The following ANK3 variants were observed in gnomAD, a reference collection of about 807,000 sequenced individuals.
ANK3 encodes ankyrin-3.
A neutral mutation model predicts 370.9 loss-of-function variants in ANK3; 57 were observed. That is an observed-to-expected ratio of 0.15 (90% CI 0.12 to 0.19). ANK3 has a LOEUF of 0.19. Ranked by LOEUF, ANK3 falls within the 10% of genes least tolerant of loss-of-function variation. ANK3 has a pLI of 1.00. For missense variants in ANK3, 4,439 were observed against 5,302.1 expected, an observed-to-expected ratio of 0.84 and a Z score of 5.06; for synonymous variants, 1,929 against 1,946.3, an observed-to-expected ratio of 0.99 and a Z score of 0.23.
chr10:60,494,461 C>G (rs2075602150), intron 2 of ANK3, among the ~76,000 whole-genome samples: 2 of 152,114 alleles, frequency 1.3e-5, no homozygotes, highest in African/African-American at 4.8e-5. Context: ...TTTAGGCATT[C>G]TTGTGCTATC....
chr10:60,514,045 T>C (rs1043615225), intron 2 of ANK3, among the ~76,000 whole-genome samples: 1 of 152,164 alleles, frequency 6.6e-6, no homozygotes, highest in African/African-American at 2.4e-5. Flanking sequence ...TTTATAATTA[T>C]CTACTTCCTC....
At chr10:60,403,018 C>G (rs1198127964) in intron 2 of ANK3, among the ~76,000 whole-genome samples, 1 of 152,024 alleles carries the variant, frequency 6.6e-6, no homozygotes, top group Non-Finnish European at 1.5e-5. Flanking sequence ...GAGGGACTAT[C>G]ACTACAAAAC....
chr10:60,722,045 G>A (rs56248760), intron 1 of ANK3, among the ~76,000 whole-genome samples: 2,707 of 152,104 alleles, frequency 0.018, 73 homozygotes, highest in African/African-American at 0.062. Flanking sequence ...ATTTCTGGCT[G>A]ATCAGTTATA....
chr10:60,190,262 T>C (rs989494612), intron 16 of ANK3, among the ~76,000 whole-genome samples: 4 of 152,164 alleles, frequency 2.6e-5, no homozygotes, highest in Non-Finnish European at 5.9e-5. Flanking sequence ...TGAGTTAACA[T>C]TGAGGTTGCT....
chr10:60,095,120 T>A (rs948516851), intron 28 of ANK3, among the ~76,000 whole-genome samples: 4 of 152,324 alleles, frequency 2.6e-5, no homozygotes, highest in African/African-American at 9.6e-5. Context: ...GGCTTTTGAG[T>A]CTAATAAAAT....
chr10:60,414,071 A>G (rs533357585), intron 2 of ANK3, among the ~76,000 whole-genome samples: 13 of 152,304 alleles, frequency 8.5e-5, no homozygotes, highest in Admixed American at 8.5e-4. Context: ...AAGAGGAAAT[A>G]TTGATATTAC....
At chr10:60,267,255 C>T (rs1239963627) in intron 5 of ANK3, among the ~76,000 whole-genome samples, 2 of 151,806 alleles carry the variant, frequency 1.3e-5, no homozygotes, top group East Asian at 1.9e-4. Flanking sequence ...AATATTATTG[C>T]TAATGAGAGA....
chr10:60,388,777 C>A (rs1298349779), intron 1 of ANK3, among the ~76,000 whole-genome samples: 1 of 152,158 alleles, frequency 6.6e-6, no homozygotes, highest in Non-Finnish European at 1.5e-5. Context: ...TAATCACTTT[C>A]ACCCAGCAGG....
At chr10:60,572,002 A>G (rs1275372526) in intron 2 of ANK3, among the ~76,000 whole-genome samples, 2 of 152,172 alleles carry the variant, frequency 1.3e-5, no homozygotes, top group Non-Finnish European at 2.9e-5. Context: ...AATGGAGTTC[A>G]CCTCCATGCT....
chr10:60,265,593 C>A (rs1446764663), intron 5 of ANK3, among the ~76,000 whole-genome samples: 3 of 151,968 alleles, frequency 2.0e-5, no homozygotes, highest in Non-Finnish European at 4.4e-5. Flanking sequence ...AACTAGAGAA[C>A]TGGCATGCAA....
intron 2 of ANK3, among the ~76,000 whole-genome samples, chr10:60,486,131 AAC>A (rs1288835766): frequency 6.6e-6 from 1 of 152,216 alleles, no homozygotes; most frequent in African/African-American, 2.4e-5. Context: ...AGTATTTCTG[AAC>A]ACGAATTCCC....
intron 22 of ANK3, 24 bp downstream of exon 22, chr10:60,166,800 T>C (rs1354096544): frequency 6.2e-7 from 1 of 1,609,896 alleles, no homozygotes; most frequent in Non-Finnish European, 8.5e-7. Flanking sequence ...ATAATTATTG[T>C]GAACTCAAAG....
chr10:60,172,110 G>A (rs2095807236), intron 21 of ANK3, among the ~76,000 whole-genome samples, 198 bp downstream of exon 21: 1 of 152,104 alleles, frequency 6.6e-6, no homozygotes, highest in South Asian at 2.1e-4. Flanking sequence ...CTTTTAAATA[G>A]GTATTCTTAG....
At chr10:60,485,600 C>T (rs995042148) in intron 2 of ANK3, among the ~76,000 whole-genome samples, 4 of 152,122 alleles carry the variant, frequency 2.6e-5, no homozygotes, top group African/African-American at 9.7e-5. Context: ...TCTCTAAGGG[C>T]GGGGTAGGTG....
At chr10:60,541,089 T>G (rs550589420) in intron 2 of ANK3, among the ~76,000 whole-genome samples, 1 of 151,910 alleles carries the variant, frequency 6.6e-6, no homozygotes, top group East Asian at 1.9e-4. Context: ...CATGCAACCA[T>G]GAGCAAAACA....
At chr10:60,173,404 A>G (rs1264962095) in intron 18 of ANK3, among the ~76,000 whole-genome samples, 1 of 152,184 alleles carries the variant, frequency 6.6e-6, no homozygotes, top group Non-Finnish European at 1.5e-5. Context: ...TAGCTCCCCA[A>G]AGTGCTTTAT....
intron 24 of ANK3, chr10:60,138,422 T>C (rs4948393): frequency 0.5 from 171,692 of 341,324 alleles, 45,339 homozygotes; most frequent in African/African-American, 0.58. Context: ...TAAATCACTG[T>C]TATACTTCTT....
intron 1 of ANK3, among the ~76,000 whole-genome samples, chr10:60,320,215 A>G (rs377572834): frequency 2.0e-5 from 3 of 152,316 alleles, no homozygotes; most frequent in East Asian, 3.9e-4. Context: ...TGCTTTGCCC[A>G]TGATGGGTAC....
At chr10:60,131,737 A>C (rs2094080890) in intron 25 of ANK3, among the ~76,000 whole-genome samples, 1 of 152,190 alleles carries the variant, frequency 6.6e-6, no homozygotes, top group Non-Finnish European at 1.5e-5. Context: ...GTTGATGTGC[A>C]GAAGGTGGGT....
Sources: gnomAD v4.1 joint callset for allele counts (sites outside exome capture counted in the v4.1 genomes callset) on GRCh38, gnomAD v4.1.1 for gene constraint, MANE v1.5 for transcripts, NCBI Gene and HGNC (gene_info 2026-07-23, HGNC 2026-07-21) for gene names.